TMEM132C: variants seen among roughly 807,000 people sequenced by gnomAD.
TMEM132C encodes protein phosphatase 1, regulatory subunit 152.
Under a neutral mutation model 61.4 loss-of-function variants are expected in TMEM132C, and 29 were observed. The observed-to-expected ratio is 0.47, with a 90% CI of 0.35 to 0.64. The LOEUF (loss-of-function observed/expected upper bound fraction) is 0.64, where lower values mean the gene tolerates loss of function less well. Among genes scored for constraint, TMEM132C ranks in the 30% least tolerant of loss-of-function variants. The probability of loss-of-function intolerance (pLI) is 0.00; values close to 1 mark genes in which losing one functional copy is unlikely to be tolerated. For synonymous variants in TMEM132C, 656 were observed against 633.1 expected (o/e 1.04, Z -0.54); for missense variants, 1,408 against 1,476.9 (o/e 0.95, Z 0.76).
At chr12:128,690,021 C>A (rs1364165730) in intron 5 of TMEM132C, among the ~76,000 whole-genome samples, 6 of 152,174 alleles carry the variant, frequency 3.9e-5, no homozygotes, top group Non-Finnish European at 8.8e-5. Flanking sequence ...GACCCCCAGG[C>A]TCTTCCTAGG....
chr12:128,521,175 A>G (rs1312516815), intron 2 of TMEM132C, among the ~76,000 whole-genome samples: 3 of 152,162 alleles, frequency 2.0e-5, no homozygotes, highest in Non-Finnish European at 4.4e-5. Flanking sequence ...CTGGCATGAA[A>G]GTTGGAGAGC....
intron 2 of TMEM132C, among the ~76,000 whole-genome samples, chr12:128,463,626 C>A (rs1870617073): frequency 6.6e-6 from 1 of 152,082 alleles, no homozygotes; most frequent in African/African-American, 2.4e-5. Flanking sequence ...GCCCATGCTT[C>A]CGTTTTCTTA....
chr12:128,611,238 G>A (rs1013046961), intron 3 of TMEM132C, among the ~76,000 whole-genome samples: 9 of 152,188 alleles, frequency 5.9e-5, no homozygotes, highest in African/African-American at 2.2e-4. Context: ...CCTGACATGT[G>A]TGTGCTCCCC....
At chr12:128,343,356 G>A (rs750276088) in intron 1 of TMEM132C, among the ~76,000 whole-genome samples, 7 of 150,808 alleles carry the variant, frequency 4.6e-5, no homozygotes, top group Non-Finnish European at 8.9e-5. Flanking sequence ...CCTGAGAGGC[G>A]GAGGTTGCAG....
At chr12:128,351,577 A>G (rs1873338356) in intron 1 of TMEM132C, among the ~76,000 whole-genome samples, 1 of 152,200 alleles carries the variant, frequency 6.6e-6, no homozygotes, top group South Asian at 2.1e-4. Flanking sequence ...ATATGGTGCC[A>G]GCATCTGGAT....
intron 1 of TMEM132C, among the ~76,000 whole-genome samples, chr12:128,392,052 GTCTCTCTCTCTTTCTCTCTCTCTC>G (rs1467258282): frequency 2.4e-5 from 3 of 125,638 alleles, no homozygotes; most frequent in Non-Finnish European, 3.4e-5. Flanking sequence ...CTCTGTCTCT[GTCTCTCTCTCTTTCTCTCTCTCTC>G]TCTCTCTCTC....
rs199681259 is a variant in TMEM132C, at chr12:128,656,259, C to G, written c.1306-13158C>G. On this transcript the variant is annotated intron_variant, in intron 4 of 8. Coordinates refer to ENST00000435159, the MANE Select transcript of TMEM132C (RefSeq NM_001136103.3). Reference sequence around the variant, plus strand: ...AGAGACAGGGTTTCACCATGTTGGCCAGGCTGGTCTCGAACTCCTGACCTC... The same window carrying G: ...AGAGACAGGGTTTCACCATGTTGGCGAGGCTGGTCTCGAACTCCTGACCTC... Among the ~76,000 whole-genome samples, 74 of 152,266 alleles carry G rather than the reference C, an allele frequency of 4.9e-4. No individual in the cohort carries two copies. In the East Asian group the frequency reaches 0.013, roughly 27 times the overall value.
chr12:128,639,198 GGGTGATGATGAT>G (rs1954132957), intron 4 of TMEM132C, among the ~76,000 whole-genome samples: 2 of 133,754 alleles, frequency 1.5e-5, no homozygotes, highest in African/African-American at 5.3e-5. Flanking sequence ...GGTGATGGTG[GGGTGATGATGAT>G]GGTGATGATA....
At chr12:128,583,675 CCT>C (rs1473275398) in intron 3 of TMEM132C, among the ~76,000 whole-genome samples, 4 of 152,178 alleles carry the variant, frequency 2.6e-5, no homozygotes, top group African/African-American at 4.8e-5. Context: ...TCCTTGGTTC[CCT>C]CTCTCAACGT....
At chr12:128,339,519 A>G (rs1318215188) in intron 1 of TMEM132C, among the ~76,000 whole-genome samples, 1 of 151,906 alleles carries the variant, frequency 6.6e-6, no homozygotes, top group African/African-American at 2.4e-5. Context: ...CCACTGATTT[A>G]GAGGCCACTT....
At chr12:128,702,138 G>T (rs921776545) in intron 8 of TMEM132C, among the ~76,000 whole-genome samples, 44 of 152,156 alleles carry the variant, frequency 2.9e-4, no homozygotes, top group Admixed American at 7.9e-4. Context: ...GACCTCAGGT[G>T]ATCCGCCCAC....
chr12:128,353,580 T>C (rs1873407088), intron 1 of TMEM132C, among the ~76,000 whole-genome samples: 1 of 152,140 alleles, frequency 6.6e-6, no homozygotes, highest in Non-Finnish European at 1.5e-5. Flanking sequence ...TTTGCGCAGC[T>C]CCTCCCCTCC....
chr12:128,651,972 T>A (rs1954275412), intron 4 of TMEM132C, among the ~76,000 whole-genome samples: 1 of 152,052 alleles, frequency 6.6e-6, no homozygotes, highest in South Asian at 2.1e-4. Flanking sequence ...CTCATTGAAG[T>A]TTTAAAGGGT....
At chr12:128,703,164 A>T (rs1954815015) in intron 8 of TMEM132C, among the ~76,000 whole-genome samples, 1 of 151,622 alleles carries the variant, frequency 6.6e-6, no homozygotes, top group Non-Finnish European at 1.5e-5. Context: ...TTTTATTTTC[A>T]CTTCAGGGGT....
intron 2 of TMEM132C, among the ~76,000 whole-genome samples, chr12:128,435,817 C>A (rs557280391): frequency 1.3e-5 from 2 of 152,166 alleles, no homozygotes; most frequent in South Asian, 4.2e-4. Context: ...TATATGGAAC[C>A]AAAAAAGAGC....
At chr12:128,427,078 C>T (rs1285872786) in intron 2 of TMEM132C, among the ~76,000 whole-genome samples, 1 of 152,114 alleles carries the variant, frequency 6.6e-6, no homozygotes, top group South Asian at 2.1e-4. Flanking sequence ...ATTCTGGGTA[C>T]TAAGGCATCT....
intron 1 of TMEM132C, among the ~76,000 whole-genome samples, chr12:128,401,621 C>T (rs1875161313): frequency 6.6e-6 from 1 of 152,184 alleles, no homozygotes; most frequent in Non-Finnish European, 1.5e-5. Context: ...ATCTCCACCC[C>T]AGTAGTTGCA....
chr12:128,694,715 T>C (rs910037597), intron 6 of TMEM132C, among the ~76,000 whole-genome samples: 1 of 152,160 alleles, frequency 6.6e-6, no homozygotes, highest in Admixed American at 6.5e-5. Flanking sequence ...GAAGAGTAAG[T>C]AGGACAGTGA....
chr12:128,273,809 A>C (rs1349490265), intron 1 of TMEM132C, among the ~76,000 whole-genome samples: 1 of 152,226 alleles, frequency 6.6e-6, no homozygotes, highest in Non-Finnish European at 1.5e-5. Flanking sequence ...AATTTACAAC[A>C]GTATATTCCT....
Sources: gnomAD v4.1 joint callset for allele counts (sites outside exome capture counted in the v4.1 genomes callset) on GRCh38, gnomAD v4.1.1 for gene constraint, MANE v1.5 for transcripts, NCBI Gene and HGNC (gene_info 2026-07-23, HGNC 2026-07-21) for gene names.